Variants in ATP6V1E2 observed in about 807,000 individuals in gnomAD.
ATP6V1E2 encodes the protein V-type proton ATPase subunit E 2.
For missense variants in ATP6V1E2, 308 were observed against 273.3 expected, an observed-to-expected ratio of 1.13 and a Z score of -0.90; for synonymous variants, 121 against 104.2, an observed-to-expected ratio of 1.16 and a Z score of -0.98.
At chr2:46,516,978 G>C (rs1194568195) in intron 4 of ATP6V1E2, among the ~76,000 whole-genome samples, 1 of 152,104 alleles carries the variant, frequency 6.6e-6, no homozygotes, top group Non-Finnish European at 1.5e-5. Flanking sequence ...AATAGGGTGG[G>C]AGAATTCTAA....
At chr2:46,539,554 A>G (rs1387784082) in intron 2 of ATP6V1E2, among the ~76,000 whole-genome samples, 1 of 152,246 alleles carries the variant, frequency 6.6e-6, no homozygotes, top group Non-Finnish European at 1.5e-5. Context: ...GCCTTTGTAC[A>G]GTGGAGACTG....
chr2:46,516,230 T>C (rs1156657597), intron 4 of ATP6V1E2, among the ~76,000 whole-genome samples: 1 of 152,180 alleles, frequency 6.6e-6, no homozygotes, highest in Non-Finnish European at 1.5e-5. Context: ...CAATACACAT[T>C]CTTCTCAAGC....
Position 46,535,976 on chromosome 2 carries a change from G to A in ATP6V1E2, c.-216-49C>T, listed in dbSNP as rs1285460026. 2 of 152,180 alleles carry A rather than the reference G, an allele frequency of 1.3e-5. No homozygotes were observed. Among genetic ancestry groups the A allele is most frequent in the Non-Finnish European group, 2.9e-5 (2 of 68,028 alleles). The allele number at this position is 152,180 out of a possible 1,614,324, so 9.4% of individuals were successfully genotyped here. On this transcript the variant is annotated intron_variant, in intron 3 of 4. Coordinates refer to ENST00000522587, the MANE Select transcript of ATP6V1E2 (RefSeq NM_001318063.2). The surrounding 1 kb of genome is among the most constrained non-coding windows in gnomAD (Gnocchi z 4.4). ...AATTTCATTTTTGGAGGAGGGATCTGTGATCTAGCCTCCTTTGGAGCCTAT... is the reference window on the plus strand; with the variant it reads ...AATTTCATTTTTGGAGGAGGGATCTATGATCTAGCCTCCTTTGGAGCCTAT...
At chr2:46,525,360 G>C (rs1007976357) in intron 4 of ATP6V1E2, among the ~76,000 whole-genome samples, 1 of 151,744 alleles carries the variant, frequency 6.6e-6, no homozygotes, top group Non-Finnish European at 1.5e-5. Flanking sequence ...TACTCGGGAG[G>C]CTGAGGCAGG....
intron 2 of ATP6V1E2, among the ~76,000 whole-genome samples, chr2:46,539,964 T>G (rs930387721): frequency 6.6e-6 from 1 of 152,202 alleles, no homozygotes; most frequent in Non-Finnish European, 1.5e-5. Context: ...CCTTGAATGG[T>G]TTAGCTAGAA....
intron 2 of ATP6V1E2, among the ~76,000 whole-genome samples, chr2:46,540,494 G>A (rs778900400): frequency 2.4e-4 from 37 of 151,232 alleles, no homozygotes; most frequent in Non-Finnish European, 4.3e-4. Context: ...ACACAGACCT[G>A]TGTCTGTTTC....
chr2:46,515,816 G>A (rs909013878), intron 4 of ATP6V1E2, among the ~76,000 whole-genome samples: 1 of 152,184 alleles, frequency 6.6e-6, no homozygotes, highest in Non-Finnish European at 1.5e-5. Flanking sequence ...ACACACACAG[G>A]CTGAGGGTGA....
chr2:46,538,670 C>T (rs1667570208), intron 2 of ATP6V1E2, among the ~76,000 whole-genome samples: 1 of 152,008 alleles, frequency 6.6e-6, no homozygotes, highest in Non-Finnish European at 1.5e-5. Context: ...TCTCTCTTTG[C>T]TTCTCTCTGC....
intron 4 of ATP6V1E2, among the ~76,000 whole-genome samples, chr2:46,517,163 A>C (rs1371121730): frequency 6.6e-6 from 1 of 152,254 alleles, no homozygotes; most frequent in Non-Finnish European, 1.5e-5. Context: ...AAGAATGAAG[A>C]GCCCAGAAAT....
chr2:46,512,874 A>T (rs756757234), intron 4 of ATP6V1E2, 62 bp from the exon 5 acceptor site: 2 of 633,362 alleles, frequency 3.2e-6, no homozygotes, highest in Non-Finnish European at 5.4e-6. Flanking sequence ...GATTACAGAG[A>T]CTGTATATAT....
In ATP6V1E2 at chr2:46,541,106, G is replaced by A. The variant is rs867216563; in HGVS notation, c.-310+284C>T. Reference sequence around the variant, plus strand: ...TGGATAGACCCTCCTTTCAGGACACGAGTCCCTGCAAATGCTGCCTGAACA... The same window carrying A: ...TGGATAGACCCTCCTTTCAGGACACAAGTCCCTGCAAATGCTGCCTGAACA... On this transcript the variant is annotated intron_variant, in intron 2 of 4. Transcript: ENST00000522587. 2.0e-5 allele frequency among the ~76,000 whole-genome samples: 3 copies of A among 152,266 alleles called. No individual in the cohort carries two copies. The East Asian group carries it at 5.8e-4, about 29-fold the overall frequency.
chr2:46,524,947 C>T (rs1189785238), intron 4 of ATP6V1E2, among the ~76,000 whole-genome samples: 2 of 152,122 alleles, frequency 1.3e-5, no homozygotes, highest in Non-Finnish European at 1.5e-5. Flanking sequence ...AGGGCTGTAC[C>T]TTCGCCAAAC....
Position 46,511,920 on chromosome 2 carries a change from CAG to C in ATP6V1E2, c.*109_*110del. The C allele has an allele frequency of 2.1e-6, 2 of 970,794 alleles. No individual in the cohort carries two copies. Among genetic ancestry groups the C allele is most frequent in the Non-Finnish European group, 3.0e-6 (2 of 675,490 alleles). The allele number at this position is 970,794 out of a possible 1,614,324, so 60.1% of individuals were successfully genotyped here. A position where few individuals can be genotyped will look rare whatever the true frequency, so the allele number is the denominator to read the frequency against. On this transcript the variant is annotated 3_prime_UTR_variant, in exon 5 of 5. Coordinates refer to ENST00000522587, the MANE Select transcript of ATP6V1E2 (RefSeq NM_001318063.2). The stretch of plus-strand genomic sequence containing the variant: ...CCAAAGGGTATTTCGTGAAGAAAAA[CAG>C]AACAGTATCAGAGCATCAAAGAGGA...
Position 46,512,273 on chromosome 2 carries a change from C to T in ATP6V1E2, c.439G>A (p.Ala147Thr). 1 of 1,612,086 alleles carries T rather than the reference C, an allele frequency of 6.2e-7. No homozygotes were observed. Among genetic ancestry groups the T allele is most frequent in the Admixed American group, 1.7e-5 (1 of 59,828 alleles). Residue 147 changes from alanine (A) to threonine (T), a missense_variant, in exon 5 of 5, where the codon GCT becomes ACT. Ala to Thr is a moderately conservative substitution (Grantham distance 58). Coordinates refer to ENST00000522587, the MANE Select transcript of ATP6V1E2 (RefSeq NM_001318063.2). Reference sequence around the variant, plus strand: ...TACTCGGGGATGGCTTTTTGTACAGCAGCCTCCACCAGGAGGAGGTCTTGT... The same window carrying T: ...TACTCGGGGATGGCTTTTTGTACAGTAGCCTCCACCAGGAGGAGGTCTTGT... ...RPQDLLLVEAAVQKAIPEYMT... is the reference protein window; with the variant it reads ...RPQDLLLVEATVQKAIPEYMT...
rs140086407 is a variant in ATP6V1E2 at position 46,524,432 on chromosome 2, G to T, written c.-102+11381C>A. ...GCAAGTCACCTGGAAAATGTAGAAA[G>T]TTGGTAGTATTTATTAAGCAGAATT... On this transcript the variant is annotated intron_variant, in intron 4 of 4. Coordinates refer to ENST00000522587, the MANE Select transcript of ATP6V1E2 (RefSeq NM_001318063.2). Among the ~76,000 whole-genome samples the T allele has an allele frequency of 6.6e-5, 10 of 152,342 alleles. No individual in the cohort carries two copies. The East Asian group carries it at 1.9e-3, about 29-fold the overall frequency.
intron 4 of ATP6V1E2, among the ~76,000 whole-genome samples, chr2:46,514,862 A>C (rs1056535410): frequency 3.3e-5 from 5 of 152,200 alleles, no homozygotes; most frequent in African/African-American, 1.2e-4. Context: ...TTATAATCAA[A>C]TTGTCAAAAG....
chr2:46,533,938 ATCTG>A (rs2103924058), intron 4 of ATP6V1E2, among the ~76,000 whole-genome samples: 1 of 152,142 alleles, frequency 6.6e-6, no homozygotes, highest in South Asian at 2.1e-4. Flanking sequence ...CTGCAATTAT[ATCTG>A]TCTTTGTTCC....
intron 4 of ATP6V1E2, among the ~76,000 whole-genome samples, chr2:46,520,782 G>C (rs1477789559): frequency 6.6e-6 from 1 of 152,210 alleles, no homozygotes; most frequent in Non-Finnish European, 1.5e-5. Context: ...TTCCCTAGCA[G>C]GGGCTGGGTG....
chr2:46,521,538 G>A (rs190590502), intron 4 of ATP6V1E2, among the ~76,000 whole-genome samples: 1 of 152,290 alleles, frequency 6.6e-6, no homozygotes, highest in East Asian at 1.9e-4. Flanking sequence ...ACTGAGGAAG[G>A]AGGAGAAGGG....
Sources: gnomAD v4.1 joint callset for allele counts (sites outside exome capture counted in the v4.1 genomes callset) on GRCh38, gnomAD v4.1.1 for gene constraint, Gnocchi (gnomAD v3.1) non-coding constraint, MANE v1.5 for transcripts, NCBI Gene and HGNC (gene_info 2026-07-23, HGNC 2026-07-21) for gene names.